MDGA2: variants seen among roughly 807,000 people sequenced by gnomAD.
MDGA2 encodes the protein MAM domain-containing glycosylphosphatidylinositol anchor protein 2.
A neutral mutation model predicts 117.8 loss-of-function variants in MDGA2; 40 were observed. The observed-to-expected ratio is 0.34, with a 90% CI of 0.26 to 0.44. The LOEUF (loss-of-function observed/expected upper bound fraction) is 0.44. Among genes scored for constraint, MDGA2 ranks in the 20% least tolerant of loss-of-function variants. The pLI, the probability that MDGA2 is intolerant of heterozygous loss-of-function variation, is 1.00. For missense variants in MDGA2, 1,123 were observed against 1,250.6 expected, an observed-to-expected ratio of 0.90 and a Z score of 1.54; for synonymous variants, 452 against 439.0, an observed-to-expected ratio of 1.03 and a Z score of -0.37.
intron 14 of MDGA2, among the ~76,000 whole-genome samples, chr14:46,862,345 T>C (rs566258183): frequency 6.0e-5 from 9 of 151,172 alleles, no homozygotes; most frequent in Non-Finnish European, 1.0e-4. Context: ...TCACGAATAA[T>C]GGCCAAAACT....
At chr14:47,246,330 A>C (rs1320502893) in intron 2 of MDGA2, among the ~76,000 whole-genome samples, 2 of 151,892 alleles carry the variant, frequency 1.3e-5, no homozygotes, top group East Asian at 3.9e-4. Context: ...TAGTCATTTC[A>C]CACCCATTTC....
intron 2 of MDGA2, among the ~76,000 whole-genome samples, chr14:47,300,451 C>A (rs905889337): frequency 6.6e-6 from 1 of 151,690 alleles, no homozygotes; most frequent in Non-Finnish European, 1.5e-5. Flanking sequence ...TTCTATATAA[C>A]TGTTTCTTTT....
chr14:47,381,933 G>A (rs1189110835), intron 1 of MDGA2, among the ~76,000 whole-genome samples: 3 of 152,142 alleles, frequency 2.0e-5, no homozygotes, highest in African/African-American at 7.2e-5. Flanking sequence ...AACAAAGCTG[G>A]AGGCATCACA....
chr14:47,172,677 G>T (rs7159251), intron 3 of MDGA2, among the ~76,000 whole-genome samples: 44,436 of 151,622 alleles, frequency 0.29, 6,985 homozygotes, highest in South Asian at 0.49. Context: ...ACCAAAAGTA[G>T]ATAAAACCAC....
At position 46,882,190 on chromosome 14, in the gene MDGA2, A is replaced by G. The variant is rs1882486589; in HGVS notation, c.2270T>C (p.Ile757Thr). 1 of 1,612,210 alleles carries G rather than the reference A, an allele frequency of 6.2e-7. No individual in the cohort carries two copies. The highest frequency in any genetic ancestry group is 1.7e-4 in the Middle Eastern group (1 of 6,050). The change falls in exon 11 of 17, where the codon ATT becomes ACT. Residue 757 changes from isoleucine to threonine, a missense_variant. Ile to Thr is a moderately conservative substitution (Grantham distance 89). Around this residue, in one of 2 missense-constraint regions of MDGA2, gnomAD observed 890 missense variants for 1,050.3 expected, o/e 0.85. Transcript: ENST00000399232. Reference protein sequence around the residue: ...AGQQRWWEQEIKINGNIQKGE... With the variant: ...AGQQRWWEQETKINGNIQKGE... ...CTTTTGAATATTCCCATTTATTTTA[A>G]TCTCCTGCTCCCACCAGCGCTGCTG... is the stretch of plus-strand genomic sequence containing the variant.
At chr14:46,938,372 C>T (rs12435649) in intron 9 of MDGA2, among the ~76,000 whole-genome samples, 1 of 151,068 alleles carries the variant, frequency 6.6e-6, no homozygotes, top group Admixed American at 6.6e-5. Context: ...AACCCCTTCT[C>T]TACTAAAAAT....
chr14:47,456,698 G>C (rs1893362058), intron 1 of MDGA2, among the ~76,000 whole-genome samples: 1 of 152,108 alleles, frequency 6.6e-6, no homozygotes, highest in East Asian at 1.9e-4. Context: ...CCGTTTGTGA[G>C]AGATAAATAA....
chr14:47,208,990 G>C (rs904166319), intron 3 of MDGA2, among the ~76,000 whole-genome samples: 6 of 149,028 alleles, frequency 4.0e-5, no homozygotes, highest in Non-Finnish European at 9.1e-5. Context: ...CTCGGGAATG[G>C]ATAGTTTTTA....
chr14:47,064,602 G>A (rs1039525740), intron 6 of MDGA2, among the ~76,000 whole-genome samples: 50 of 151,958 alleles, frequency 3.3e-4, no homozygotes, highest in Admixed American at 4.6e-4. Context: ...TCATGTCTAC[G>A]TGGTCCAAGA....
At chr14:47,539,645 G>C (rs917559703) in intron 1 of MDGA2, among the ~76,000 whole-genome samples, 2 of 152,210 alleles carry the variant, frequency 1.3e-5, no homozygotes, top group African/African-American at 4.8e-5. Context: ...ATTGTTTAAA[G>C]AGCACAGTTT....
At chr14:47,408,813 A>AG (rs1237251089) in intron 1 of MDGA2, among the ~76,000 whole-genome samples, 1 of 152,212 alleles carries the variant, frequency 6.6e-6, no homozygotes, top group African/African-American at 2.4e-5. Flanking sequence ...TGCCTGCTTG[A>AG]GGAGACTGGG....
intron 7 of MDGA2, among the ~76,000 whole-genome samples, chr14:47,056,128 C>T (rs1889667258): frequency 1.3e-5 from 2 of 152,086 alleles, no homozygotes; most frequent in African/African-American, 4.8e-5. Context: ...TATAAAACTT[C>T]AGTTTTAATC....
intron 1 of MDGA2, among the ~76,000 whole-genome samples, chr14:47,432,165 T>A (rs2138529121): frequency 6.6e-6 from 1 of 152,118 alleles, no homozygotes; most frequent in Non-Finnish European, 1.5e-5. Flanking sequence ...GTAGAATAAC[T>A]AAGATTCACA....
At chr14:47,439,056 T>C (rs1892950817) in intron 1 of MDGA2, among the ~76,000 whole-genome samples, 1 of 152,120 alleles carries the variant, frequency 6.6e-6, no homozygotes, top group Non-Finnish European at 1.5e-5. Flanking sequence ...GCTTCTGTAG[T>C]GAATTAGGTC....
At chr14:47,230,843 T>C (rs1046722497) in intron 2 of MDGA2, among the ~76,000 whole-genome samples, 12 of 152,070 alleles carry the variant, frequency 7.9e-5, no homozygotes, top group African/African-American at 2.2e-4. Flanking sequence ...TTCATGTAAG[T>C]AGCCCAATTT....
intron 1 of MDGA2, among the ~76,000 whole-genome samples, chr14:47,360,437 A>G (rs918388419): frequency 6.6e-6 from 1 of 151,744 alleles, no homozygotes; most frequent in Non-Finnish European, 1.5e-5. Flanking sequence ...CTGAATAGAC[A>G]TTTCTCCAAG....
chr14:47,180,624 A>G (rs1162798028), intron 3 of MDGA2, among the ~76,000 whole-genome samples: 1 of 152,162 alleles, frequency 6.6e-6, no homozygotes, highest in Non-Finnish European at 1.5e-5. Flanking sequence ...AATTACAATG[A>G]AATACCATCT....
At chr14:47,355,109 G>C (rs1308615866) in intron 1 of MDGA2, among the ~76,000 whole-genome samples, 1 of 152,196 alleles carries the variant, frequency 6.6e-6, no homozygotes, top group Non-Finnish European at 1.5e-5. Flanking sequence ...TTTGTGGGGA[G>C]CATGCAGGGC....
intron 3 of MDGA2, among the ~76,000 whole-genome samples, chr14:47,159,098 T>G (rs557588880): frequency 6.6e-6 from 1 of 152,284 alleles, no homozygotes; most frequent in South Asian, 2.1e-4. Context: ...CTACTCTGTG[T>G]GATACTAAAA....
Sources: allele counts gnomAD v4.1 joint callset (sites outside exome capture counted in the v4.1 genomes callset), GRCh38; gene constraint gnomAD v4.1.1; regional missense constraint gnomAD v4.1.1; transcripts MANE v1.5; gene names NCBI Gene and HGNC (gene_info 2026-07-23, HGNC 2026-07-21).